Variants in RABGEF1 observed in about 807,000 individuals in gnomAD.
RABGEF1 encodes the protein RAB guanine nucleotide exchange factor 1, also known as rab5 GDP/GTP exchange factor.
Under a neutral mutation model 57.3 loss-of-function variants are expected in RABGEF1, and 26 were observed. The ratio of observed to expected loss-of-function variants is 0.45; its 90% confidence interval spans 0.33 to 0.63. RABGEF1 has a LOEUF of 0.63. RABGEF1 is among the 20% of genes least tolerant of loss of function. The pLI is 0.02. For synonymous variants in RABGEF1, 185 were observed against 210.7 expected (o/e 0.88, Z 1.06); for missense variants, 464 against 607.6 (o/e 0.76, Z 2.48).
At chr7:66,733,495 A>C (rs950599710) in intron 2 of RABGEF1, among the ~76,000 whole-genome samples, 1 of 151,914 alleles carries the variant, frequency 6.6e-6, no homozygotes, top group African/African-American at 2.4e-5. Context: ...TCAGGAGTTC[A>C]AAACCAGACT....
At chr7:66,743,305 G>A (rs1353829090) in intron 1 of RABGEF1, among the ~76,000 whole-genome samples, 4 of 145,494 alleles carry the variant, frequency 2.7e-5, no homozygotes, top group East Asian at 2.0e-4. Flanking sequence ...GCGAGACCTC[G>A]TCTCAAAAAA....
chr7:66,678,564 C>CAAAAAAAAA (rs58309880), upstream of RABGEF1, among the ~76,000 whole-genome samples: 1 of 86,194 alleles, frequency 1.2e-5, no homozygotes, highest in Admixed American at 1.5e-4. Flanking sequence ...GAGTCCGTCT[C>CAAAAAAAAA]AAAAAAAAAA....
chr7:66,716,793 A>G (rs1400362921), intron 2 of RABGEF1, among the ~76,000 whole-genome samples: 1 of 151,992 alleles, frequency 6.6e-6, no homozygotes, highest in Non-Finnish European at 1.5e-5. Flanking sequence ...TTTGTTTGAG[A>G]CAGGAGACAA....
At chr7:66,779,010 G>A (rs1809221798) in intron 3 of RABGEF1, among the ~76,000 whole-genome samples, 1 of 152,108 alleles carries the variant, frequency 6.6e-6, no homozygotes, top group South Asian at 2.1e-4. Context: ...AGCTACTTGG[G>A]AGTCAGAGTC....
chr7:66,742,162 T>A (rs903884159), intron 1 of RABGEF1, among the ~76,000 whole-genome samples: 2 of 125,406 alleles, frequency 1.6e-5, no homozygotes, highest in South Asian at 5.5e-4. Flanking sequence ...AAAAAAAAAC[T>A]AAGAGTCTGT....
intron 2 of RABGEF1, among the ~76,000 whole-genome samples, chr7:66,721,738 C>T (rs1450479880): frequency 2.0e-5 from 3 of 152,092 alleles, no homozygotes; most frequent in Non-Finnish European, 4.4e-5. Context: ...GAGGCCAAGG[C>T]GGGCAGATCT....
At chr7:66,768,019 T>G (rs1283849034) in intron 1 of RABGEF1, among the ~76,000 whole-genome samples, 1 of 152,222 alleles carries the variant, frequency 6.6e-6, no homozygotes, top group Non-Finnish European at 1.5e-5. Flanking sequence ...ATTCACCCAT[T>G]GAAGGATATT....
At chr7:66,677,401 T>A (rs1479123616), upstream of RABGEF1, among the ~76,000 whole-genome samples, 2 of 152,126 alleles carry the variant, frequency 1.3e-5, no homozygotes, top group East Asian at 1.9e-4. Context: ...GTGAGACCCC[T>A]ATCTCTATAA....
At chr7:66,658,232 T>TA in the RABGEF1 span, among the ~76,000 whole-genome samples, 4 of 151,686 alleles carry the variant, frequency 2.6e-5, no homozygotes, top group African/African-American at 9.7e-5. Context: ...CACAAAGAAA[T>TA]AAAAAATATG....
chr7:66,744,250 A>C (rs1585098668), intron 1 of RABGEF1, among the ~76,000 whole-genome samples: 1 of 150,824 alleles, frequency 6.6e-6, no homozygotes, highest in East Asian at 2.0e-4. Flanking sequence ...TGCTTATTAG[A>C]TGTTTGAAAT....
intron 3 of RABGEF1, among the ~76,000 whole-genome samples, chr7:66,778,474 AC>A (rs1355656696): frequency 2.0e-5 from 3 of 152,192 alleles, no homozygotes; most frequent in African/African-American, 7.2e-5. Flanking sequence ...AAGCTGAGAT[AC>A]TTGCTTATAC....
chr7:66,675,473 C>G, the RABGEF1 span, among the ~76,000 whole-genome samples: 2 of 151,950 alleles, frequency 1.3e-5, no homozygotes, highest in East Asian at 1.9e-4. Flanking sequence ...AAACTCCCCA[C>G]AGCTAATATA....
intron 1 of RABGEF1, among the ~76,000 whole-genome samples, chr7:66,697,564 C>T (rs956827754): frequency 1.3e-5 from 2 of 152,094 alleles, no homozygotes; most frequent in Non-Finnish European, 2.9e-5. Context: ...ACTTGGCAGG[C>T]GGGGACCATG....
chr7:66,696,617 G>A lies in RABGEF1; in HGVS notation c.-873+14359G>A, dbSNP rs112930013. ...AGGCAGGAGGATCACTTGAACCCAG[G>A]AGGTGGAGGTTGCGGTGAGTCCAGG... is the stretch of plus-strand genomic sequence containing the variant. On this transcript the variant is annotated intron_variant and NMD_transcript_variant, in intron 1 of 9. Coordinates refer to the RABGEF1 transcript ENST00000607882. Among the ~76,000 whole-genome samples, 421 of 151,348 alleles carry A rather than the reference G, an allele frequency of 2.8e-3. 1 individual carries two copies. The highest frequency in any genetic ancestry group is 9.8e-3 in the African/African-American group (405 of 41,226).
chr7:66,751,233 G>C (rs1330431589), intron 1 of RABGEF1, among the ~76,000 whole-genome samples: 2 of 152,112 alleles, frequency 1.3e-5, no homozygotes, highest in Admixed American at 1.3e-4. Flanking sequence ...GTTTCACCGT[G>C]TTAGCCAGGC....
intron 1 of RABGEF1, among the ~76,000 whole-genome samples, chr7:66,698,581 G>C (rs1162056414): frequency 4.6e-5 from 7 of 152,290 alleles, no homozygotes; most frequent in Non-Finnish European, 8.8e-5. Flanking sequence ...GAGGGGCCAG[G>C]TTTGCTCAGG....
intron 1 of RABGEF1, among the ~76,000 whole-genome samples, chr7:66,690,206 G>C (rs2117113710): frequency 6.7e-6 from 1 of 149,110 alleles, no homozygotes; most frequent in South Asian, 2.1e-4. Context: ...GGTTCAACCA[G>C]TTCTCTGCCT....
At chr7:66,662,020 C>T in the RABGEF1 span, among the ~76,000 whole-genome samples, 61 of 152,204 alleles carry the variant, frequency 4.0e-4, no homozygotes, top group East Asian at 0.01. Context: ...GAGGCCGAGG[C>T]GGGTGGATCA....
chr7:66,801,827 T>A (rs146182414), intron 7 of RABGEF1, among the ~76,000 whole-genome samples: 1 of 152,228 alleles, frequency 6.6e-6, no homozygotes, highest in African/African-American at 2.4e-5. Context: ...TGTGTGGCTA[T>A]GGGGGCAGTG....
Sources: gnomAD v4.1 joint callset for allele counts (sites outside exome capture counted in the v4.1 genomes callset) on GRCh38, gnomAD v4.1.1 for gene constraint, MANE v1.5 for transcripts, NCBI Gene and HGNC (gene_info 2026-07-23, HGNC 2026-07-21) for gene names.